Variants in HYCC2 observed in about 807,000 individuals in gnomAD.
The protein encoded by HYCC2 is hyccin PI4KA lipid kinase complex subunit 2.
At chr2:201,024,023 C>T in the HYCC2 span, 2 of 1,608,086 alleles carry the variant, frequency 1.2e-6, no homozygotes, top group Non-Finnish European at 1.7e-6. Context: ...CTTTTACCTT[C>T]TACTCCTCTT....
chr2:201,052,397 G>T, the HYCC2 span: 1 of 152,536 alleles, frequency 6.6e-6, no homozygotes, highest in South Asian at 2.0e-4. Context: ...TTGAGCCCAA[G>T]AGTTTGAGAC....
At chr2:201,064,444 T>C in the HYCC2 span, among the ~76,000 whole-genome samples, 1 of 152,094 alleles carries the variant, frequency 6.6e-6, no homozygotes. Flanking sequence ...TCCCCAACAG[T>C]GTGAAGTTAG....
At chr2:201,063,895 G>C in the HYCC2 span, 1 of 1,596,234 alleles carries the variant, frequency 6.3e-7, no homozygotes, top group Non-Finnish European at 8.5e-7. Flanking sequence ...ACAAAAATCA[G>C]TCTTCAAATT....
the HYCC2 span, chr2:200,978,798 A>G: frequency 6.6e-6 from 1 of 152,096 alleles, no homozygotes; most frequent in South Asian, 2.1e-4. Flanking sequence ...TTTAAAACCA[A>G]TTTTTCAGGT....
chr2:201,037,879 A>T, the HYCC2 span, among the ~76,000 whole-genome samples: 3 of 152,196 alleles, frequency 2.0e-5, no homozygotes, highest in African/African-American at 7.2e-5. Flanking sequence ...AACAAAAGCC[A>T]AAATTGACAA....
chr2:201,064,785 T>C, the HYCC2 span, among the ~76,000 whole-genome samples: 2 of 152,220 alleles, frequency 1.3e-5, no homozygotes, highest in Non-Finnish European at 2.9e-5. Context: ...TATCTGCTCA[T>C]TTAATCCTAA....
At chr2:201,038,402 C>T in the HYCC2 span, among the ~76,000 whole-genome samples, 2 of 152,076 alleles carry the variant, frequency 1.3e-5, no homozygotes, top group African/African-American at 4.8e-5. Context: ...GGTATATACC[C>T]AAAGGAATAT....
At chr2:201,014,736 G>A in the HYCC2 span, among the ~76,000 whole-genome samples, 1 of 152,150 alleles carries the variant, frequency 6.6e-6, no homozygotes, top group Non-Finnish European at 1.5e-5. Flanking sequence ...TATTTATCAT[G>A]AGATTCAATT....
the HYCC2 span, chr2:200,981,978 CA>C: frequency 8.2e-7 from 1 of 1,225,986 alleles, no homozygotes; most frequent in Non-Finnish European, 1.1e-6. The surrounding 1 kb of genome is among the most constrained non-coding windows in gnomAD (Gnocchi z 4.5). Flanking sequence ...TATAGGTTGT[CA>C]ATGGCCCTAC....
the HYCC2 span, among the ~76,000 whole-genome samples, chr2:200,991,976 G>C: frequency 6.6e-6 from 1 of 151,984 alleles, no homozygotes; most frequent in Non-Finnish European, 1.5e-5. Context: ...TCTTATTTTA[G>C]TGACTTGTCC....
chr2:200,976,280 A>AC, the HYCC2 span: 1 of 152,196 alleles, frequency 6.6e-6, no homozygotes, highest in East Asian at 1.9e-4. Context: ...CATTGGCATG[A>AC]CCCGTTAAAC....
the HYCC2 span, among the ~76,000 whole-genome samples, chr2:201,064,666 T>G: frequency 6.6e-6 from 1 of 152,208 alleles, no homozygotes; most frequent in Non-Finnish European, 1.5e-5. Flanking sequence ...TATATCTAAA[T>G]TGAATAATGG....
chr2:201,053,172 GA>G, the HYCC2 span, among the ~76,000 whole-genome samples: 1 of 151,740 alleles, frequency 6.6e-6, no homozygotes, highest in African/African-American at 2.4e-5. Flanking sequence ...AACCAGGCTG[GA>G]GCACAATGGC....
the HYCC2 span, among the ~76,000 whole-genome samples, chr2:201,004,924 G>A: frequency 6.6e-6 from 1 of 151,748 alleles, no homozygotes; most frequent in African/African-American, 2.4e-5. Flanking sequence ...GCCTGAGGCA[G>A]GAGAATGGTG....
chr2:201,006,788 T>C, the HYCC2 span, among the ~76,000 whole-genome samples: 1 of 152,194 alleles, frequency 6.6e-6, no homozygotes, highest in Non-Finnish European at 1.5e-5. Flanking sequence ...TTGGCATTGT[T>C]GGTAAGGTTA....
the HYCC2 span, among the ~76,000 whole-genome samples, chr2:201,008,594 C>CTAAA: frequency 3.5e-5 from 5 of 144,810 alleles, no homozygotes; most frequent in East Asian, 3.9e-4. Flanking sequence ...GACTCTGTCT[C>CTAAA]TAAATAAATA....
the HYCC2 span, among the ~76,000 whole-genome samples, chr2:201,059,591 G>C: frequency 6.6e-6 from 1 of 152,136 alleles, no homozygotes; most frequent in Admixed American, 6.5e-5. Context: ...CCCTCACAGA[G>C]CAGGGAATAG....
At chr2:201,063,707 G>A in the HYCC2 span, 5 of 1,577,932 alleles carry the variant, frequency 3.2e-6, no homozygotes, top group Non-Finnish European at 4.3e-6. Context: ...TGGTGGTCGT[G>A]GAGGTGGTTT....
the HYCC2 span, among the ~76,000 whole-genome samples, chr2:201,053,219 T>C: frequency 6.6e-6 from 1 of 151,388 alleles, no homozygotes; most frequent in African/African-American, 2.4e-5. Flanking sequence ...GCCTCCTGGG[T>C]TCAAGTGATT....
Sources: gnomAD v4.1 joint callset for allele counts (sites outside exome capture counted in the v4.1 genomes callset) on GRCh38, gnomAD v4.1.1 for gene constraint, Gnocchi (gnomAD v3.1) non-coding constraint, MANE v1.5 for transcripts, NCBI Gene and HGNC (gene_info 2026-07-23, HGNC 2026-07-21) for gene names.